The following AMZ1 variants were observed in gnomAD, a reference collection of about 807,000 sequenced individuals.
The protein encoded by AMZ1 is archaemetzincin-1.
A neutral mutation model predicts 29.9 loss-of-function variants in AMZ1; 39 were observed. The observed-to-expected ratio is 1.30, with a 90% CI of 1.01 to 1.70. The LOEUF (loss-of-function observed/expected upper bound fraction) is 1.70. AMZ1 is among the 40% of genes most tolerant of loss of function. The probability of loss-of-function intolerance (pLI) is 0.00; values close to 1 mark genes in which losing one functional copy is unlikely to be tolerated. For synonymous variants in AMZ1, 458 were observed against 304.0 expected, an observed-to-expected ratio of 1.51 and a Z score of -5.27; for missense variants, 1,041 against 680.6, an observed-to-expected ratio of 1.53 and a Z score of -5.89.
rs754341337 is a variant in AMZ1 at position 2,709,180 on chromosome 7, C to A, written c.707C>A (p.Ala236Asp). 1.2e-5 allele frequency: 19 copies of A among 1,543,266 alleles called. No individual in the cohort carries two copies. In the African/African-American group the frequency reaches 1.7e-4, roughly 13 times the overall value. ...LVEAAADGPE[A>D]PLQDRGWALC... ...GAGGCAGCAGCAGACGGCCCCGAGGCCCCCCTGCAGGACAGGGGCTGGGCC... is the reference window on the plus strand; with the variant it reads ...GAGGCAGCAGCAGACGGCCCCGAGGACCCCCTGCAGGACAGGGGCTGGGCC... Residue 236 changes from alanine (A) to aspartate (D), a missense_variant, in exon 5 of 7, where the codon GCC (alanine) becomes GAC (aspartate). Ala to Asp is a moderately radical substitution (Grantham distance 126). Coordinates refer to ENST00000683327, the MANE Select transcript of AMZ1 (RefSeq NM_001384743.1).
chr7:2,705,625 T>A (rs1353205429), intron 3 of AMZ1, among the ~76,000 whole-genome samples: 1 of 152,134 alleles, frequency 6.6e-6, no homozygotes, highest in Non-Finnish European at 1.5e-5. Flanking sequence ...TTGTCTAAAT[T>A]CCCTAGGGTA....
At chr7:2,762,694 C>T (rs541261802), upstream of AMZ1, 31 of 1,577,886 alleles carry the variant, frequency 2.0e-5, no homozygotes, top group Middle Eastern at 1.7e-4. Flanking sequence ...CCACGCTGCC[C>T]GGGTGGAGGA....
chr7:2,712,019 C>G (rs1272034579), intron 6 of AMZ1, among the ~76,000 whole-genome samples: 3 of 151,820 alleles, frequency 2.0e-5, no homozygotes, highest in African/African-American at 7.3e-5. Context: ...TGCACTCCAG[C>G]CTGGCCAACA....
Position 2,718,195 on chromosome 7 carries a change from G to A in AMZ1, c.*5317G>A, listed in dbSNP as rs185551583. On this transcript the variant is annotated 3_prime_UTR_variant, in exon 7 of 7. Coordinates refer to ENST00000683327, the MANE Select transcript of AMZ1 (RefSeq NM_001384743.1). ...CTTCTGTCACATGGAAACTGAGCCC[G>A]GCATGGAGTCACGTGGCTCCACCCT... Among the ~76,000 whole-genome samples the A allele has an allele frequency of 3.2e-4, 49 of 152,294 alleles. No homozygotes were observed. Among genetic ancestry groups the A allele is most frequent in the African/African-American group, 9.9e-4 (41 of 41,572 alleles).
At chr7:2,721,576 TGTG>T (rs890358496), downstream of AMZ1, among the ~76,000 whole-genome samples, 7 of 151,574 alleles carry the variant, frequency 4.6e-5, no homozygotes, top group African/African-American at 1.7e-4. Context: ...ATTAGCCAGG[TGTG>T]GTGTCAGATG....
At chr7:2,737,274 GTTTTTTTTTTTTTTGTT>G (rs1790245172) in intron 4 of AMZ1, among the ~76,000 whole-genome samples, 1 of 35,032 alleles carries the variant, frequency 2.9e-5, no homozygotes, top group East Asian at 8.3e-4. Flanking sequence ...GTTTTGTTTT[GTTTTTTTTTTTTTTGTT>G]TTTTTTTTTT....
chr7:2,703,170 G>A (rs529853509), intron 3 of AMZ1, among the ~76,000 whole-genome samples: 9 of 152,058 alleles, frequency 5.9e-5, no homozygotes, highest in Admixed American at 3.3e-4. Context: ...TTTTTGAGAC[G>A]GAGTCTTGCT....
chr7:2,691,025 C>T (rs1334231445), intron 1 of AMZ1, among the ~76,000 whole-genome samples: 1 of 149,608 alleles, frequency 6.7e-6, no homozygotes, highest in Admixed American at 6.8e-5. Context: ...TCTGTAGTCC[C>T]AGCTACTAGG....
intron 4 of AMZ1, among the ~76,000 whole-genome samples, chr7:2,739,550 C>A (rs1053834971): frequency 6.6e-6 from 1 of 152,152 alleles, no homozygotes; most frequent in Non-Finnish European, 1.5e-5. Flanking sequence ...AGTTGATGAA[C>A]ACTTTGTTTC....
At position 2,702,741 on chromosome 7, in the gene AMZ1, G is replaced by C. The variant is rs1788126328; in HGVS notation, c.324G>C (p.Val108=). The C allele has an allele frequency of 1.3e-6, 2 of 1,537,252 alleles. No homozygotes were observed. The highest frequency in any genetic ancestry group is 1.7e-6 in the Non-Finnish European group (2 of 1,143,978). The part of the protein sequence containing the change: ...LQPIDLSEEP[V]GSSLLHQLCS... ...CACCAGACCTGAGCGAGGAGCCGGT[G>C]GGAAGCTCCCTGCTGCACCAGCTGT... The change falls in exon 3 of 7, where the codon GTG becomes GTC. Residue 108 remains valine (V), a synonymous_variant. Coordinates refer to ENST00000683327, the MANE Select transcript of AMZ1 (RefSeq NM_001384743.1).
In AMZ1 at chr7:2,714,192, G is replaced by C. The variant is rs996470964; in HGVS notation, c.*1314G>C. 7 of 152,344 alleles carry C rather than the reference G, an allele frequency of 4.6e-5. No homozygotes were observed. Among genetic ancestry groups the C allele is most frequent in the African/African-American group, 1.7e-4 (7 of 41,438 alleles). The allele number at this position is 152,344 out of a possible 1,614,324, so 9.4% of individuals were successfully genotyped here. On this transcript the variant is annotated 3_prime_UTR_variant, in exon 7 of 7. Coordinates refer to ENST00000683327, the MANE Select transcript of AMZ1 (RefSeq NM_001384743.1). ...AGTGACGAGGGCGGGGTCACAGCTCGCGCACCCTCATCTGGAGAGAGGCAA... is the reference window on the plus strand; with the variant it reads ...AGTGACGAGGGCGGGGTCACAGCTCCCGCACCCTCATCTGGAGAGAGGCAA...
At chr7:2,741,786 C>A (rs1790519163) in intron 4 of AMZ1, among the ~76,000 whole-genome samples, 1 of 151,434 alleles carries the variant, frequency 6.6e-6, no homozygotes, top group Non-Finnish European at 1.5e-5. Context: ...AGGACACCTG[C>A]TTCTACAACC....
At position 2,694,680 on chromosome 7, in the gene AMZ1, ATTTT is replaced by A. The variant is rs933136949; in HGVS notation, c.-218-5547_-218-5544del. On this transcript the variant is annotated intron_variant, in intron 1 of 6. Coordinates refer to ENST00000683327, the MANE Select transcript of AMZ1 (RefSeq NM_001384743.1). ...CATATATATAATATATATTTTATTT[ATTTT>A]TTTTTTGAGATGGAGTCTCGCTCTG... Among the ~76,000 whole-genome samples, 10 of 121,648 alleles carry A rather than the reference ATTTT, an allele frequency of 8.2e-5. No homozygotes were observed. In the South Asian group the frequency reaches 1.4e-3, roughly 17 times the overall value. 79.8% of individuals were successfully genotyped at this position (121,648 alleles called of 152,430 possible).
chr7:2,729,847 T>C (rs1374040070), intron 4 of AMZ1: 1 of 152,404 alleles, frequency 6.6e-6, no homozygotes, highest in African/African-American at 2.4e-5. Context: ...CAATGTATTT[T>C]AAACACAGTG....
At chr7:2,743,880 C>T (rs1261354095) in intron 4 of AMZ1, among the ~76,000 whole-genome samples, 2 of 152,056 alleles carry the variant, frequency 1.3e-5, no homozygotes, top group African/African-American at 2.4e-5. Context: ...ACATCCCGCA[C>T]CTGGCTCGGA....
chr7:2,743,934 T>C (rs955269306), intron 4 of AMZ1, among the ~76,000 whole-genome samples: 2 of 151,174 alleles, frequency 1.3e-5, no homozygotes, highest in Non-Finnish European at 2.9e-5. Flanking sequence ...AGCACAGCAG[T>C]CTGAGATCAA....
In AMZ1 at chr7:2,717,661, G is replaced by A. The variant is rs1168245051; in HGVS notation, c.*4783G>A. 2.6e-5 allele frequency among the ~76,000 whole-genome samples: 4 copies of A among 152,206 alleles called. No homozygotes were observed. Among genetic ancestry groups the A allele is most frequent in the Admixed American group, 2.6e-4 (4 of 15,282 alleles). ...TCTAGGAAACACTTCCGGCTTGACT[G>A]TAAAGAGCCCTGGCCTGCGAACGCT... On this transcript the variant is annotated 3_prime_UTR_variant, in exon 7 of 7. Coordinates refer to ENST00000683327, the MANE Select transcript of AMZ1 (RefSeq NM_001384743.1).
chr7:2,741,827 C>T (rs191110962), intron 4 of AMZ1, among the ~76,000 whole-genome samples: 15 of 150,906 alleles, frequency 9.9e-5, no homozygotes, highest in East Asian at 1.9e-4. Flanking sequence ...TTCAGGAGAA[C>T]GCCGCAAGGA....
intron 4 of AMZ1, among the ~76,000 whole-genome samples, chr7:2,736,742 G>A (rs1790199724): frequency 6.6e-6 from 1 of 152,188 alleles, no homozygotes; most frequent in Non-Finnish European, 1.5e-5. Flanking sequence ...AAAGACACAC[G>A]CTCGGCTTGC....
Sources: allele counts gnomAD v4.1 joint callset (sites outside exome capture counted in the v4.1 genomes callset), GRCh38; gene constraint gnomAD v4.1.1; transcripts MANE v1.5; gene names NCBI Gene and HGNC (gene_info 2026-07-23, HGNC 2026-07-21).